The following NOX4 variants were observed in gnomAD, a reference collection of about 807,000 sequenced individuals.
The protein encoded by NOX4 is NADPH oxidase 4.
A neutral mutation model predicts 87.6 loss-of-function variants in NOX4; 69 were observed. The ratio of observed to expected loss-of-function variants is 0.79; its 90% CI spans 0.65 to 0.96. The LOEUF (loss-of-function observed/expected upper bound fraction) is 0.96. Ranked by LOEUF, NOX4 falls within the 40% of genes least tolerant of loss-of-function variation. The pLI is 0.00. For missense variants in NOX4, 680 were observed against 681.5 expected (o/e 1.00, Z 0.02); for synonymous variants, 275 against 238.2 (o/e 1.15, Z -1.42).
intron 3 of NOX4, among the ~76,000 whole-genome samples, chr11:89,449,744 A>G (rs906023740): frequency 2.0e-5 from 3 of 152,120 alleles, no homozygotes; most frequent in African/African-American, 7.2e-5. Flanking sequence ...AAGATGTTCA[A>G]GACACATTGT....
the NOX4 span, among the ~76,000 whole-genome samples, chr11:89,588,138 A>T: frequency 5.9e-5 from 9 of 152,342 alleles, no homozygotes; most frequent in South Asian, 6.2e-4. Context: ...AATGAAAATT[A>T]TCCCAGTTTT....
upstream of NOX4, chr11:89,498,883 G>C (rs1198932691): frequency 6.6e-6 from 1 of 152,280 alleles, no homozygotes; most frequent in Non-Finnish European, 1.5e-5. Context: ...TGGAAGCCCA[G>C]ACCTATTTTG....
chr11:89,357,839 A>G (rs1347951120), intron 12 of NOX4, among the ~76,000 whole-genome samples: 1 of 152,126 alleles, frequency 6.6e-6, no homozygotes, highest in Non-Finnish European at 1.5e-5. Flanking sequence ...TAAAGGACAT[A>G]TGACAATAAT....
chr11:89,523,415 T>C, the NOX4 span, among the ~76,000 whole-genome samples: 1 of 152,206 alleles, frequency 6.6e-6, no homozygotes, highest in South Asian at 2.1e-4. Flanking sequence ...TAAATGAGAA[T>C]ATATAAACGT....
intron 2 of NOX4, among the ~76,000 whole-genome samples, chr11:89,471,982 T>C (rs1565333759): frequency 6.6e-6 from 1 of 152,170 alleles, no homozygotes; most frequent in Non-Finnish European, 1.5e-5. Flanking sequence ...CCTCAAGTGA[T>C]CTTCCCACCT....
intron 12 of NOX4, among the ~76,000 whole-genome samples, chr11:89,357,540 C>G (rs1391940420): frequency 1.3e-5 from 2 of 152,048 alleles, no homozygotes; most frequent in Admixed American, 1.3e-4. Flanking sequence ...ATGTGTAATG[C>G]TCTATCTTTT....
At chr11:89,362,605 A>G (rs317185) in intron 12 of NOX4, among the ~76,000 whole-genome samples, 80,685 of 152,016 alleles carry the variant, frequency 0.53, 24,296 homozygotes, top group African/African-American at 0.83. Flanking sequence ...AAAGTAATCT[A>G]TCAATCATCT....
At chr11:89,486,554 A>C (rs1286950544) in intron 2 of NOX4, among the ~76,000 whole-genome samples, 1 of 147,940 alleles carries the variant, frequency 6.8e-6, no homozygotes, top group Non-Finnish European at 1.5e-5. Flanking sequence ...ATGTGTGTAT[A>C]TATGTGTATA....
intron 12 of NOX4, among the ~76,000 whole-genome samples, chr11:89,369,523 G>A (rs1356593275): frequency 2.0e-5 from 3 of 152,040 alleles, no homozygotes; most frequent in Non-Finnish European, 4.4e-5. Flanking sequence ...TTGATTATTA[G>A]CCAAAGTTAA....
chr11:89,421,044 T>C (rs1482592182), intron 8 of NOX4, among the ~76,000 whole-genome samples: 1 of 152,008 alleles, frequency 6.6e-6, no homozygotes, highest in Non-Finnish European at 1.5e-5. Flanking sequence ...TATCTTAGAG[T>C]TGCTACATGA....
the NOX4 span, among the ~76,000 whole-genome samples, chr11:89,564,774 C>T: frequency 6.7e-6 from 1 of 148,256 alleles, no homozygotes; most frequent in Non-Finnish European, 1.5e-5. Flanking sequence ...TAATAGTTTC[C>T]CATCCCAATG....
chr11:89,430,035 CA>C (rs1367286280), intron 7 of NOX4, among the ~76,000 whole-genome samples: 1 of 152,158 alleles, frequency 6.6e-6, no homozygotes, highest in Non-Finnish European at 1.5e-5. Flanking sequence ...CCCTGGGATG[CA>C]AAGCTGGTTC....
chr11:89,551,919 G>T, the NOX4 span, among the ~76,000 whole-genome samples: 1 of 151,876 alleles, frequency 6.6e-6, no homozygotes, highest in African/African-American at 2.4e-5. Flanking sequence ...TATGATATTG[G>T]CTGTGGATTT....
intron 7 of NOX4, among the ~76,000 whole-genome samples, chr11:89,423,414 C>T (rs185243080): frequency 4.6e-5 from 7 of 152,120 alleles, no homozygotes; most frequent in Admixed American, 3.9e-4. Context: ...TTTAGATAGA[C>T]CTACATTTGC....
At chr11:89,469,412 T>G (rs528722498) in intron 2 of NOX4, among the ~76,000 whole-genome samples, 1 of 152,198 alleles carries the variant, frequency 6.6e-6, no homozygotes, top group African/African-American at 2.4e-5. Context: ...GCATTGGTGT[T>G]TGTCTAAAAA....
chr11:89,362,531 C>A (rs1372001762), intron 12 of NOX4, among the ~76,000 whole-genome samples: 1 of 151,850 alleles, frequency 6.6e-6, no homozygotes, highest in Non-Finnish European at 1.5e-5. Context: ...TTTATTTTAT[C>A]TATATCTTGT....
At chr11:89,366,923 C>A (rs953598487) in intron 12 of NOX4, among the ~76,000 whole-genome samples, 9 of 151,770 alleles carry the variant, frequency 5.9e-5, no homozygotes, top group Admixed American at 1.3e-4. Flanking sequence ...AATGAGAAAC[C>A]AAGGGAAAAA....
At chr11:89,438,808 AT>A (rs1944265026) in intron 6 of NOX4, among the ~76,000 whole-genome samples, 1 of 24,868 alleles carries the variant, frequency 4.0e-5, no homozygotes, top group South Asian at 1.3e-3. Flanking sequence ...TATATTATAT[AT>A]TATATATATT....
At chr11:89,482,200 G>C (rs1171687530) in intron 2 of NOX4, among the ~76,000 whole-genome samples, 1 of 151,950 alleles carries the variant, frequency 6.6e-6, no homozygotes, top group African/African-American at 2.4e-5. Context: ...AAAAGGCCTG[G>C]GAAGGACCCT....
Sources: allele counts gnomAD v4.1 joint callset (sites outside exome capture counted in the v4.1 genomes callset), GRCh38; gene constraint gnomAD v4.1.1; transcripts MANE v1.5; gene names NCBI Gene and HGNC (gene_info 2026-07-23, HGNC 2026-07-21).